The following SH3PXD2A variants were observed in gnomAD, a reference collection of about 807,000 sequenced individuals.
The protein encoded by SH3PXD2A is SH3 and PX domain-containing protein 2A.
SH3PXD2A carries 32 observed loss-of-function variants against 115.2 expected under a neutral mutation model. The ratio of observed to expected loss-of-function variants is 0.28; its 90% CI spans 0.21 to 0.37. The LOEUF is 0.37. Ranked by LOEUF, SH3PXD2A falls within the 10% of genes least tolerant of loss-of-function variation. The probability of loss-of-function intolerance (pLI) is 1.00; values close to 1 mark genes in which losing one functional copy is unlikely to be tolerated. For synonymous variants in SH3PXD2A, 610 were observed against 629.1 expected (o/e 0.97, Z 0.45); for missense variants, 1,328 against 1,498.7 (o/e 0.89, Z 1.88).
In SH3PXD2A at chr10:103,802,723, C is replaced by T. The variant is rs866237749; in HGVS notation, c.73-1361G>A. 8.6e-4 allele frequency among the ~76,000 whole-genome samples: 131 copies of T among 152,304 alleles called. 1 individual carries two copies. Among genetic ancestry groups the T allele is most frequent in the African/African-American group, 2.8e-3 (116 of 41,542 alleles). On this transcript the variant is annotated intron_variant, in intron 1 of 14. Transcript: ENST00000369774. ...GATAAGACACAGGTAAGACCTCTGC[C>T]CCCTTTCCTCCCTCAGGAGAGAGGC...
In SH3PXD2A at chr10:103,603,342, G is replaced by A. The variant is rs866392337; in HGVS notation, c.1876C>T (p.Arg626Trp). ...GACAGGGTGTCCTCTGCATATGGCCGGAAGCCCTCATTCTCATAGATGGTC... is the reference window on the plus strand; with the variant it reads ...GACAGGGTGTCCTCTGCATATGGCCAGAAGCCCTCATTCTCATAGATGGTC... ...EETIYENEGF[R>W]PYAEDTLSAR... Residue 626 changes from arginine (R) to tryptophan (W), a missense_variant, in exon 15 of 15, where the codon CGG (arginine) becomes TGG (tryptophan). Arg to Trp is a moderately radical substitution (Grantham distance 101). Around this residue, in one of 5 missense-constraint regions of SH3PXD2A, gnomAD observed 509 missense variants for 628.3 expected, o/e 0.81. Coordinates refer to ENST00000369774, the MANE Select transcript of SH3PXD2A (RefSeq NM_001394015.1). 14 of 1,614,172 alleles carry A rather than the reference G, an allele frequency of 8.7e-6. No homozygotes were observed. The highest frequency in any genetic ancestry group is 1.3e-5 in the African/African-American group (1 of 75,042).
At chr10:103,820,397 T>C (rs1215490487) in intron 1 of SH3PXD2A, among the ~76,000 whole-genome samples, 1 of 152,154 alleles carries the variant, frequency 6.6e-6, no homozygotes, top group African/African-American at 2.4e-5. Flanking sequence ...AGAAGAGTCC[T>C]GCGCAGCGGC....
intron 6 of SH3PXD2A, among the ~76,000 whole-genome samples, chr10:103,686,882 G>C: frequency 6.6e-6 from 1 of 151,864 alleles, no homozygotes. Flanking sequence ...CAGTAGCTGG[G>C]ATTACAAGCA....
chr10:103,609,737 T>C (rs1009693850), intron 13 of SH3PXD2A: 1 of 152,180 alleles, frequency 6.6e-6, no homozygotes, highest in Non-Finnish European at 1.5e-5. Flanking sequence ...CCCCGCTATT[T>C]ATGTCCTCCC....
chr10:103,603,311 C>G lies in SH3PXD2A; in HGVS notation c.1907G>C (p.Arg636Thr). The G allele has an allele frequency of 1.9e-6, 3 of 1,614,154 alleles. No individual in the cohort carries two copies. The highest frequency in any genetic ancestry group is 2.5e-6 in the Non-Finnish European group (3 of 1,180,024). Residue 636 changes from arginine to threonine, a missense_variant, in exon 15 of 15, where the codon AGA (arginine) becomes ACA (threonine). Coordinates refer to ENST00000369774, the MANE Select transcript of SH3PXD2A (RefSeq NM_001394015.1). ...GGAGTCGCTGTCCCCGGAGGAGCCT[C>G]TGGCTGACAGGGTGTCCTCTGCATA... is the stretch of plus-strand genomic sequence containing the variant. The part of the protein sequence containing the change: ...RPYAEDTLSA[R>T]GSSGDSDSPG...
chr10:103,725,795 C>A (rs1264725378), intron 4 of SH3PXD2A, among the ~76,000 whole-genome samples: 1 of 151,732 alleles, frequency 6.6e-6, no homozygotes, highest in Non-Finnish European at 1.5e-5. Context: ...TGCCACTGCA[C>A]CCCAGCCTGG....
chr10:103,795,188 T>C (rs947701380), intron 2 of SH3PXD2A, among the ~76,000 whole-genome samples: 1 of 152,234 alleles, frequency 6.6e-6, no homozygotes, highest in African/African-American at 2.4e-5. Flanking sequence ...GAACATTTAC[T>C]TTTATTTCAT....
At chr10:103,770,240 ACTCTGTTGC>A in intron 2 of SH3PXD2A, among the ~76,000 whole-genome samples, 1 of 152,134 alleles carries the variant, frequency 6.6e-6, no homozygotes, top group East Asian at 1.9e-4. Flanking sequence ...ACCAGGTCTC[ACTCTGTTGC>A]CCAGGCTGGA....
intron 1 of SH3PXD2A, among the ~76,000 whole-genome samples, chr10:103,807,494 T>C (rs1166649399): frequency 6.6e-6 from 1 of 152,188 alleles, no homozygotes; most frequent in East Asian, 1.9e-4. Context: ...CACATGACCA[T>C]GGGGCTGGGA....
chr10:103,722,332 C>A (rs1157596659), intron 5 of SH3PXD2A, among the ~76,000 whole-genome samples: 2 of 151,204 alleles, frequency 1.3e-5, no homozygotes, highest in African/African-American at 4.9e-5. Context: ...AATATACAAG[C>A]CCTGGTGCAA....
chr10:103,792,380 G>A (rs531163939), intron 2 of SH3PXD2A, among the ~76,000 whole-genome samples: 7 of 152,224 alleles, frequency 4.6e-5, no homozygotes, highest in African/African-American at 7.2e-5. Context: ...CTACATTAAC[G>A]GGGCACAGGA....
At chr10:103,772,622 A>C (rs2038836796) in intron 2 of SH3PXD2A, among the ~76,000 whole-genome samples, 1 of 152,218 alleles carries the variant, frequency 6.6e-6, no homozygotes. Context: ...TGTGAGAGAT[A>C]GGGGACAGCT....
intron 1 of SH3PXD2A, among the ~76,000 whole-genome samples, chr10:103,848,764 G>A (rs1159217281): frequency 6.6e-6 from 1 of 151,962 alleles, no homozygotes; most frequent in East Asian, 1.9e-4. Context: ...GGTCTTCCCT[G>A]GAAACTCCAG....
intron 3 of SH3PXD2A, among the ~76,000 whole-genome samples, chr10:103,761,081 C>G (rs1382991906): frequency 2.6e-5 from 4 of 152,152 alleles, no homozygotes; most frequent in Non-Finnish European, 5.9e-5. Flanking sequence ...TATTATCAAA[C>G]CACTGCCTCC....
intron 6 of SH3PXD2A, among the ~76,000 whole-genome samples, chr10:103,670,798 C>T (rs2134082672): frequency 6.6e-6 from 1 of 152,350 alleles, no homozygotes; most frequent in East Asian, 1.9e-4. Context: ...AGGGCTGAGA[C>T]AAGGTAGACA....
intron 6 of SH3PXD2A, 124 bp downstream of exon 6, chr10:103,692,904 G>A: frequency 3.8e-6 from 3 of 790,150 alleles, no homozygotes; most frequent in Non-Finnish European, 4.2e-6. Flanking sequence ...GGCAGGACCC[G>A]TAGGCTGGCG....
chr10:103,742,948 TCC>T (rs5787497), intron 3 of SH3PXD2A, among the ~76,000 whole-genome samples: 1 of 151,128 alleles, frequency 6.6e-6, no homozygotes, highest in East Asian at 2.0e-4. Context: ...GGAACCTCCC[TCC>T]CCCCCTCAAG....
At chr10:103,658,661 T>C (rs2037246422) in intron 8 of SH3PXD2A, among the ~76,000 whole-genome samples, 2 of 152,216 alleles carry the variant, frequency 1.3e-5, no homozygotes, top group African/African-American at 4.8e-5. Flanking sequence ...CTGCAGGTCC[T>C]GTGCAAATAT....
At chr10:103,847,707 G>A (rs1842860075) in intron 1 of SH3PXD2A, among the ~76,000 whole-genome samples, 1 of 152,294 alleles carries the variant, frequency 6.6e-6, no homozygotes, top group South Asian at 2.1e-4. Flanking sequence ...GGGAGGCTGA[G>A]GCGAGTGGAT....
Sources: gnomAD v4.1 joint callset for allele counts (sites outside exome capture counted in the v4.1 genomes callset) on GRCh38, gnomAD v4.1.1 for gene constraint, gnomAD v4.1.1 regional missense constraint, MANE v1.5 for transcripts, NCBI Gene and HGNC (gene_info 2026-07-23, HGNC 2026-07-21) for gene names.